The following MCM6 variants were observed in gnomAD, a reference collection of about 807,000 sequenced individuals.
The protein encoded by MCM6 is DNA replication licensing factor MCM6.
A neutral mutation model predicts 94.3 loss-of-function variants in MCM6; 46 were observed. That is an observed-to-expected ratio of 0.49 (90% confidence interval 0.39 to 0.62). The LOEUF is 0.62. Among genes scored for constraint, MCM6 ranks in the 20% least tolerant of loss-of-function variants. MCM6 has a pLI of 0.00. For synonymous variants in MCM6, 335 were observed against 351.9 expected, an observed-to-expected ratio of 0.95 and a Z score of 0.54; for missense variants, 865 against 1,017.9, an observed-to-expected ratio of 0.85 and a Z score of 2.04.
rs1322001630 is a variant in MCM6 at position 135,851,475 on chromosome 2, C to G, written c.1844G>C (p.Arg615Thr). Residue 615 changes from arginine to threonine, a missense_variant, in exon 13 of 17, where the codon AGG (arginine) becomes ACG (threonine). By Grantham distance (71) the Arg-to-Thr change is moderately conservative. Around this residue, in one of 3 missense-constraint regions of MCM6, gnomAD observed 308 missense variants for 324.5 expected, o/e 0.95. Coordinates refer to ENST00000264156, the MANE Select transcript of MCM6 (RefSeq NM_005915.6). ...GCTCTCAAGCTGTCGCACTGTAATCCTCCATGAAGACTTGGTCACTCCAGA... is the reference window on the plus strand; with the variant it reads ...GCTCTCAAGCTGTCGCACTGTAATCGTCCATGAAGACTTGGTCACTCCAGA... ...DGSGVTKSSW[R>T]ITVRQLESMI... 6.2e-7 allele frequency: 1 copy of G among 1,613,746 alleles called. No individual in the cohort carries two copies. Among genetic ancestry groups the G allele is most frequent in the Non-Finnish European group, 8.5e-7 (1 of 1,179,944 alleles).
chr2:135,862,527 T>C, intron 8 of MCM6, 80 bp downstream of exon 8: 1 of 1,479,938 alleles, frequency 6.8e-7, no homozygotes, highest in Non-Finnish European at 9.4e-7. Flanking sequence ...AAGGCCATAC[T>C]GACTGCATTC....
chr2:135,846,840 C>T lies in MCM6; in HGVS notation c.2054-448G>A, dbSNP rs4988259. 7.4e-4 allele frequency among the ~76,000 whole-genome samples: 112 copies of T among 152,098 alleles called. 1 individual carries two copies. The highest frequency in any genetic ancestry group is 2.3e-3 in the African/African-American group (95 of 41,500). On this transcript the variant is annotated intron_variant, in intron 14 of 16. Transcript: ENST00000264156. ...CCAACATGGTGAAATCCTGTCTATA[C>T]TAAAAATACAAAAATTAGCTGGGTG...
In MCM6 at chr2:135,876,249, G is replaced by T. The variant is rs768592533; in HGVS notation, c.107+10C>A. The T allele has an allele frequency of 1.9e-6, 3 of 1,585,556 alleles. No individual in the cohort carries two copies. In the South Asian group the frequency reaches 3.4e-5, roughly 18 times the overall value. On this transcript the variant is annotated intron_variant, in intron 1 of 16. Coordinates refer to ENST00000264156, the MANE Select transcript of MCM6 (RefSeq NM_005915.6). ...GAGGCGGGCGAGGCCCGGGGCGCTC[G>T]CCGACTTACTCCTCCAAGAAGTCCA...
At chr2:135,859,791 T>C (rs1263457482) in intron 8 of MCM6, among the ~76,000 whole-genome samples, 5 of 151,950 alleles carry the variant, frequency 3.3e-5, no homozygotes, top group Non-Finnish European at 4.4e-5. Context: ...TCAGAGTTAA[T>C]ACCTGATAAA....
intron 14 of MCM6, among the ~76,000 whole-genome samples, chr2:135,847,738 AT>A (rs1679698919): frequency 6.6e-6 from 1 of 152,100 alleles, no homozygotes; most frequent in South Asian, 2.1e-4. Context: ...TAATTTTTGC[AT>A]TTTTAGTAGA....
In MCM6 at chr2:135,866,050, C is replaced by T. The variant is rs1680088712; in HGVS notation, c.927+82G>A. The stretch of plus-strand genomic sequence containing the variant: ...CCAGAAAGTGGAGGCTACAGTGAGC[C>T]ATGACTTTGCCATTGCACTCCAGCC... On this transcript the variant is annotated intron_variant, in intron 6 of 16. Coordinates refer to ENST00000264156, the MANE Select transcript of MCM6 (RefSeq NM_005915.6). 2.0e-6 allele frequency: 3 copies of T among 1,485,882 alleles called. No homozygotes were observed. The South Asian group carries it at 3.6e-5, about 18-fold the overall frequency. 92.0% of individuals were successfully genotyped at this position (1,485,882 alleles called of 1,614,324 possible). A position where few individuals can be genotyped will look rare whatever the true frequency, so the allele number is the denominator to read the frequency against.
At chr2:135,869,867 A>G (rs1680170615) in intron 3 of MCM6, among the ~76,000 whole-genome samples, 1 of 152,204 alleles carries the variant, frequency 6.6e-6, no homozygotes, top group Non-Finnish European at 1.5e-5. Flanking sequence ...CATTTCTCCA[A>G]CACTAAACTT....
rs4988236 is a variant in MCM6 at position 135,851,074 on chromosome 2, G to A, written c.1917+328C>T. ...AGGAGGAGAGTTCCTTTGAGGCCAGGGGCTACATTATCTTATCTGTATTGC... is the reference window on the plus strand; with the variant it reads ...AGGAGGAGAGTTCCTTTGAGGCCAGAGGCTACATTATCTTATCTGTATTGC... On this transcript the variant is annotated intron_variant, in intron 13 of 16. Transcript: ENST00000264156. 1.3e-4 allele frequency among the ~76,000 whole-genome samples: 20 copies of A among 152,234 alleles called. No individual in the cohort carries two copies. In the East Asian group the frequency reaches 2.9e-3, roughly 22 times the overall value.
intron 9 of MCM6, among the ~76,000 whole-genome samples, chr2:135,859,051 C>A (rs1289564250): frequency 6.6e-6 from 1 of 152,036 alleles, no homozygotes; most frequent in Non-Finnish European, 1.5e-5. Flanking sequence ...CCACCATGCC[C>A]GGCTAATTTT....
At chr2:135,864,318 C>T (rs904713017) in intron 7 of MCM6, among the ~76,000 whole-genome samples, 1 of 152,084 alleles carries the variant, frequency 6.6e-6, no homozygotes, top group Non-Finnish European at 1.5e-5. Flanking sequence ...CAATCATAAA[C>T]ACTCCATTTT....
chr2:135,845,063 G>A (rs1365438011), intron 15 of MCM6, among the ~76,000 whole-genome samples: 1 of 152,160 alleles, frequency 6.6e-6, no homozygotes, highest in Non-Finnish European at 1.5e-5. Context: ...GCAACAGCAA[G>A]CAAAAATTCT....
chr2:135,855,136 A>G (rs1282156036), intron 11 of MCM6, among the ~76,000 whole-genome samples: 1 of 152,222 alleles, frequency 6.6e-6, no homozygotes, highest in Non-Finnish European at 1.5e-5. Flanking sequence ...AGTCTGGGCA[A>G]CAGAGTGAGA....
At chr2:135,849,381 A>T (rs78078936) in intron 13 of MCM6, among the ~76,000 whole-genome samples, 1 of 150,892 alleles carries the variant, frequency 6.6e-6, no homozygotes, top group South Asian at 2.1e-4. Context: ...TAGCACAAGC[A>T]AAAAAAAATT....
chr2:135,853,412 T>G (rs541283013), intron 11 of MCM6, among the ~76,000 whole-genome samples: 2 of 152,118 alleles, frequency 1.3e-5, no homozygotes, highest in African/African-American at 4.8e-5. Context: ...ACCACTGCAC[T>G]CCAGCCTGGG....
intron 1 of MCM6, 52 bp downstream of exon 1, chr2:135,876,207 A>T: frequency 1.4e-6 from 2 of 1,447,108 alleles, no homozygotes; most frequent in Non-Finnish European, 1.8e-6. Context: ...CGCCTGGCCC[A>T]GACGCCGCAG....
intron 1 of MCM6, among the ~76,000 whole-genome samples, chr2:135,875,035 G>C (rs1294412891): frequency 6.6e-6 from 1 of 152,192 alleles, no homozygotes; most frequent in East Asian, 1.9e-4. Context: ...TAACGGAGGA[G>C]AGTTCGTGTT....
At chr2:135,857,012 A>G (rs1298815268) in intron 10 of MCM6, 129 bp from the exon 11 acceptor site, 1 of 750,928 alleles carries the variant, frequency 1.3e-6, no homozygotes, top group South Asian at 2.0e-5. Flanking sequence ...TTTTTCACAT[A>G]AACAGGAACT....
intron 11 of MCM6, among the ~76,000 whole-genome samples, chr2:135,853,179 G>T (rs1558756965): frequency 6.6e-6 from 1 of 152,184 alleles, no homozygotes. Context: ...AAGTGCAGTG[G>T]CTCACACTTG....
At chr2:135,871,074 G>C (rs1257463580) in intron 2 of MCM6, among the ~76,000 whole-genome samples, 1 of 152,126 alleles carries the variant, frequency 6.6e-6, no homozygotes, top group African/African-American at 2.4e-5. Context: ...AAATGGATGA[G>C]GACAGGAGAA....
Sources: allele counts gnomAD v4.1 joint callset (sites outside exome capture counted in the v4.1 genomes callset), GRCh38; gene constraint gnomAD v4.1.1; regional missense constraint gnomAD v4.1.1; transcripts MANE v1.5; gene names NCBI Gene and HGNC (gene_info 2026-07-23, HGNC 2026-07-21).